The following ZBTB20 variants were observed in gnomAD, a reference collection of about 807,000 sequenced individuals.
ZBTB20 encodes zinc finger and BTB domain containing 20, also known as zinc finger and BTB domain-containing protein 20.
In ZBTB20, 9 loss-of-function variants were observed where a neutral mutation model predicts 56.9. That is an observed-to-expected ratio of 0.16 (90% CI 0.10 to 0.28). The LOEUF (loss-of-function observed/expected upper bound fraction) is 0.28. ZBTB20 is among the 10% of genes least tolerant of loss of function. ZBTB20 has a pLI of 1.00. For missense variants in ZBTB20, 655 were observed against 1,003.0 expected, an observed-to-expected ratio of 0.65 and a Z score of 4.69; for synonymous variants, 417 against 420.7, an observed-to-expected ratio of 0.99 and a Z score of 0.11.
intron 4 of ZBTB20, among the ~76,000 whole-genome samples, chr3:114,822,654 G>T (rs1041820751): frequency 5.9e-5 from 9 of 151,974 alleles, no homozygotes; most frequent in African/African-American, 2.2e-4. Flanking sequence ...ATAAGAAAGT[G>T]AATCTTCACC....
At chr3:114,348,157 G>A (rs1435898715) in intron 11 of ZBTB20, among the ~76,000 whole-genome samples, 1 of 152,208 alleles carries the variant, frequency 6.6e-6, no homozygotes, top group Non-Finnish European at 1.5e-5. Flanking sequence ...CAGAATGTGT[G>A]AATTTTACAT....
intron 5 of ZBTB20, among the ~76,000 whole-genome samples, chr3:114,696,393 C>T (rs960413717): frequency 2.0e-5 from 3 of 152,008 alleles, no homozygotes; most frequent in Non-Finnish European, 2.9e-5. Flanking sequence ...TCGCATCCAT[C>T]CTCTCTTCCA....
rs149927965 is a variant in ZBTB20 at position 115,112,904 on chromosome 3, C to T, written c.-703+34315G>A. On this transcript the variant is annotated intron_variant, in intron 1 of 11. Transcript: ENST00000675478. ...CATAGGGGCTGTACTTATATACATT[C>T]CCATCAACAGTGTATAAGAGTTCCC... Among the ~76,000 whole-genome samples the T allele has an allele frequency of 2.7e-3, 416 of 152,232 alleles. 6 individuals carry two copies. Among genetic ancestry groups the T allele is most frequent in the African/African-American group, 9.4e-3 (392 of 41,516 alleles).
At chr3:115,090,489 T>C (rs1483213119) in intron 1 of ZBTB20, among the ~76,000 whole-genome samples, 1 of 151,742 alleles carries the variant, frequency 6.6e-6, no homozygotes, top group Non-Finnish European at 1.5e-5. Flanking sequence ...ATTATCATTA[T>C]TATTACAGGT....
intron 5 of ZBTB20, among the ~76,000 whole-genome samples, chr3:114,790,002 A>AAC (rs2070823101): frequency 6.6e-6 from 1 of 151,814 alleles, no homozygotes; most frequent in South Asian, 2.1e-4. Flanking sequence ...CACACACACA[A>AAC]ACACACACAC....
chr3:114,777,918 A>C (rs1318379722), intron 5 of ZBTB20, among the ~76,000 whole-genome samples: 1 of 151,958 alleles, frequency 6.6e-6, no homozygotes, highest in African/African-American at 2.4e-5. Flanking sequence ...TGCAGCCATA[A>C]AAAATGATGA....
rs569911745 is a variant in ZBTB20 at position 114,380,730 on chromosome 3, C to G, written c.11+47G>C. ...TCCAAGAAAGCATCCCTCTTCCCCCCTTAGGAGTTTTAACATGGTCTGGAA... is the reference window on the plus strand; with the variant it reads ...TCCAAGAAAGCATCCCTCTTCCCCCGTTAGGAGTTTTAACATGGTCTGGAA... On this transcript the variant is annotated intron_variant, in intron 9 of 11. Transcript: ENST00000675478. The G allele has an allele frequency of 5.1e-5, 75 of 1,478,220 alleles. No individual in the cohort carries two copies. In the East Asian group the frequency reaches 1.7e-3, roughly 33 times the overall value. 91.6% of individuals were successfully genotyped at this position (1,478,220 alleles called of 1,614,324 possible). A position where few individuals can be genotyped will look rare whatever the true frequency, so the allele number is the denominator to read the frequency against.
chr3:114,715,586 C>T (rs934886560), intron 5 of ZBTB20, among the ~76,000 whole-genome samples: 3 of 152,180 alleles, frequency 2.0e-5, no homozygotes, highest in Non-Finnish European at 4.4e-5. Context: ...TTAGACCTGT[C>T]CCCAACAGGT....
intron 4 of ZBTB20, among the ~76,000 whole-genome samples, chr3:114,811,079 C>G (rs1002311329): frequency 6.6e-6 from 1 of 152,180 alleles, no homozygotes; most frequent in Non-Finnish European, 1.5e-5. Context: ...TTGCTATGAA[C>G]TTTGGAGCTG....
intron 7 of ZBTB20, among the ~76,000 whole-genome samples, chr3:114,431,725 C>T (rs2090138938): frequency 6.6e-6 from 1 of 152,018 alleles, no homozygotes; most frequent in African/African-American, 2.4e-5. Flanking sequence ...ACAGTGAGAT[C>T]CTAAAGTTCT....
chr3:114,440,591 T>A (rs949450459), intron 7 of ZBTB20, among the ~76,000 whole-genome samples: 2 of 152,108 alleles, frequency 1.3e-5, no homozygotes, highest in Admixed American at 1.3e-4. Context: ...CTTTGATGGG[T>A]TTCAGCTTCT....
Position 114,371,609 on chromosome 3 carries a change from A to G in ZBTB20, c.199+8608T>C, listed in dbSNP as rs541454929. 3.9e-5 allele frequency among the ~76,000 whole-genome samples: 6 copies of G among 152,312 alleles called. No homozygotes were observed. In the East Asian group the frequency reaches 1.2e-3, roughly 29 times the overall value. Reference sequence around the variant, plus strand: ...GTGGTCCTCCACATTGAAAGCATCCACTATATTGATGGATGAATAGTCCTG... The same window carrying G: ...GTGGTCCTCCACATTGAAAGCATCCGCTATATTGATGGATGAATAGTCCTG... On this transcript the variant is annotated intron_variant, in intron 10 of 11. Coordinates refer to ENST00000675478, the MANE Select transcript of ZBTB20 (RefSeq NM_001348800.3).
intron 5 of ZBTB20, among the ~76,000 whole-genome samples, chr3:114,722,301 G>C (rs6438216): frequency 6.6e-6 from 1 of 152,286 alleles, no homozygotes; most frequent in East Asian, 1.9e-4. Flanking sequence ...GGATTCAGTG[G>C]TTTTATATAA....
At chr3:115,102,576 T>C (rs558101056) in intron 1 of ZBTB20, 2 of 152,222 alleles carry the variant, frequency 1.3e-5, no homozygotes, top group African/African-American at 2.4e-5. Flanking sequence ...ATTTGGTTTC[T>C]ACCAGCAGGA....
At chr3:115,090,145 C>A (rs1030392496) in intron 1 of ZBTB20, among the ~76,000 whole-genome samples, 2 of 151,622 alleles carry the variant, frequency 1.3e-5, no homozygotes, top group South Asian at 4.1e-4. Flanking sequence ...TTTTAAAAGC[C>A]CTTGGCTGAT....
rs1221052822 is a variant in ZBTB20, at chr3:115,044,448, T to C, written c.-507+26771A>G. Among the ~76,000 whole-genome samples the C allele has an allele frequency of 3.9e-5, 6 of 152,220 alleles. No homozygotes were observed. The East Asian group carries it at 7.7e-4, about 20-fold the overall frequency. On this transcript the variant is annotated intron_variant, in intron 2 of 11. Coordinates refer to ENST00000675478, the MANE Select transcript of ZBTB20 (RefSeq NM_001348800.3). The stretch of plus-strand genomic sequence containing the variant: ...GGCAAAGCCTAATGTGGTTCAGTCT[T>C]ATTACCTGGCTAATTTGAAAGGCAA...
At chr3:114,820,127 G>A (rs1326531427) in intron 4 of ZBTB20, among the ~76,000 whole-genome samples, 1 of 151,872 alleles carries the variant, frequency 6.6e-6, no homozygotes, top group Non-Finnish European at 1.5e-5. Context: ...AAGGATGTAT[G>A]CTAAAAACAT....
intron 7 of ZBTB20, among the ~76,000 whole-genome samples, chr3:114,433,031 T>G (rs2108899800): frequency 6.6e-6 from 1 of 152,322 alleles, no homozygotes; most frequent in Non-Finnish European, 1.5e-5. Flanking sequence ...CAAAGCTTCT[T>G]CAATCTGACA....
chr3:114,935,987 T>A (rs985552319), intron 3 of ZBTB20, among the ~76,000 whole-genome samples: 1 of 152,174 alleles, frequency 6.6e-6, no homozygotes, highest in African/African-American at 2.4e-5. Flanking sequence ...GAGGTAAATT[T>A]ACAATAAATG....
Sources: gnomAD v4.1 joint callset for allele counts (sites outside exome capture counted in the v4.1 genomes callset) on GRCh38, gnomAD v4.1.1 for gene constraint, MANE v1.5 for transcripts, NCBI Gene and HGNC (gene_info 2026-07-23, HGNC 2026-07-21) for gene names.